Variants in AKAP1 observed in about 807,000 individuals in gnomAD.
AKAP1 encodes the protein A-kinase anchoring protein 1.
Under a neutral mutation model 79.8 loss-of-function variants are expected in AKAP1, and 32 were observed. That is an observed-to-expected ratio of 0.40 (90% CI 0.30 to 0.54). The LOEUF is 0.54. Ranked by LOEUF, AKAP1 falls within the 20% of genes least tolerant of loss-of-function variation. The pLI, the probability that AKAP1 is intolerant of heterozygous loss-of-function variation, is 0.47. For missense variants in AKAP1, 961 were observed against 1,138.9 expected (o/e 0.84, Z 2.25); for synonymous variants, 416 against 466.7 (o/e 0.89, Z 1.40).
intron 3 of AKAP1, among the ~76,000 whole-genome samples, chr17:57,110,551 A>C (rs752798569): frequency 1.8e-4 from 27 of 152,252 alleles, no homozygotes; most frequent in Non-Finnish European, 2.6e-4. Context: ...AATTGAGCAA[A>C]GCATAAATCC....
chr17:57,097,025 CTACTT>C (rs967969294), intron 1 of AKAP1, among the ~76,000 whole-genome samples: 25 of 152,106 alleles, frequency 1.6e-4, no homozygotes, highest in Admixed American at 5.2e-4. Context: ...GTGACCTACT[CTACTT>C]TACCATGTTG....
intron 1 of AKAP1, chr17:57,098,536 G>A (rs1914264971): frequency 1.3e-5 from 2 of 152,194 alleles, no homozygotes; most frequent in African/African-American, 4.8e-5. Context: ...GCCCAGTGCA[G>A]GAAGGAAGAT....
intron 1 of AKAP1, chr17:57,093,994 A>G (rs1913938426): frequency 6.6e-6 from 1 of 152,068 alleles, no homozygotes; most frequent in African/African-American, 2.4e-5. Context: ...AACCTTGTTT[A>G]TGGCTGCAAG....
Position 57,106,106 on chromosome 17 carries a change from G to A in AKAP1, c.642G>A (p.Val214=), listed in dbSNP as rs1472736761. ...GTGDAVLGEK[V]LEEALLSREH... is the part of the protein sequence containing the mutation. ...GTGATGCCGTGTTGGGGGAAAAGGT[G>A]CTTGAAGAAGCTCTGTTGTCTCGGG... is the stretch of plus-strand genomic sequence containing the variant. The change falls in exon 2 of 11, where the codon GTG becomes GTA. Residue 214 remains valine, a synonymous_variant. Transcript: ENST00000337714. The A allele has an allele frequency of 6.2e-7, 1 of 1,605,766 alleles. No individual in the cohort carries two copies. Among genetic ancestry groups the A allele is most frequent in the East Asian group, 2.2e-5 (1 of 44,764 alleles).
chr17:57,099,465 G>C (rs1305907821), intron 1 of AKAP1, among the ~76,000 whole-genome samples: 2 of 152,214 alleles, frequency 1.3e-5, no homozygotes, highest in Non-Finnish European at 2.9e-5. Flanking sequence ...AGGCTGGGGA[G>C]AGATGGGCAC....
At chr17:57,116,635 T>A (rs1342716498) in intron 7 of AKAP1, among the ~76,000 whole-genome samples, 1 of 152,114 alleles carries the variant, frequency 6.6e-6, no homozygotes, top group Non-Finnish European at 1.5e-5. Flanking sequence ...TGAAGCAGGC[T>A]CCTTTTTAGG....
rs1433031321 is a variant in AKAP1 at position 57,086,301 on chromosome 17, G to A, written c.-25+903G>A. The A allele has an allele frequency of 1.0e-5, 4 of 398,566 alleles. No homozygotes were observed. Among genetic ancestry groups the A allele is most frequent in the Non-Finnish European group, 2.0e-5 (4 of 199,882 alleles). 24.7% of individuals were successfully genotyped at this position (398,566 alleles called of 1,614,324 possible). ...GTGCTAGGAGAGGCAGTGGCTGGAT[G>A]CCTCGAACGCGGGCTTTCTGGCGTT... On this transcript the variant is annotated intron_variant, in intron 1 of 10. Coordinates refer to ENST00000337714, the MANE Select transcript of AKAP1 (RefSeq NM_003488.4). The surrounding 1 kb of genome is among the most constrained non-coding windows in gnomAD (Gnocchi z 5.1).
Position 57,105,705 on chromosome 17 carries a change from G to A in AKAP1, c.241G>A (p.Glu81Lys). Residue 81 changes from glutamate to lysine, a missense_variant, in exon 2 of 11, where the codon GAA (glutamate) becomes AAA (lysine). Transcript: ENST00000337714. ...PPSVTEPPEKELSTVSKLPAE... is the reference protein window; with the variant it reads ...PPSVTEPPEKKLSTVSKLPAE... ...CAGTGTCACAGAGCCTCCAGAAAAG[G>A]AACTGTCCACCGTGAGCAAGCTGCC... 6.2e-7 allele frequency: 1 copy of A among 1,614,126 alleles called. No homozygotes were observed. The highest frequency in any genetic ancestry group is 8.5e-7 in the Non-Finnish European group (1 of 1,180,020).
chr17:57,103,860 C>G (rs772018551), intron 1 of AKAP1, among the ~76,000 whole-genome samples: 1 of 152,174 alleles, frequency 6.6e-6, no homozygotes, highest in Non-Finnish European at 1.5e-5. Context: ...AGATGTGTCC[C>G]CATCTTACAG....
At chr17:57,111,977 G>C in intron 4 of AKAP1, 53 bp downstream of exon 4, 1 of 1,584,920 alleles carries the variant, frequency 6.3e-7, no homozygotes, top group South Asian at 1.1e-5. Context: ...TTAAATAGAA[G>C]TGAATAGCAT....
intron 6 of AKAP1, among the ~76,000 whole-genome samples, chr17:57,115,445 T>TCATGACAATGCTGACAAGAGTCAGGACC (rs1915522902): frequency 2.0e-5 from 3 of 152,336 alleles, no homozygotes; most frequent in Middle Eastern, 3.4e-3. Flanking sequence ...CCCAGCACAG[T>TCATGACAATGCTGACAAGAGTCAGGACC]CAGCCTCATG....
At chr17:57,104,933 C>T (rs1430078579) in intron 1 of AKAP1, among the ~76,000 whole-genome samples, 1 of 152,218 alleles carries the variant, frequency 6.6e-6, no homozygotes, top group Non-Finnish European at 1.5e-5. Flanking sequence ...CCTTCATTCT[C>T]ACTGTCTCTA....
Position 57,086,814 on chromosome 17 carries a change from CTT to C in AKAP1, c.-25+1418_-25+1419del, listed in dbSNP as rs1249838287. 3.4e-5 allele frequency among the ~76,000 whole-genome samples: 5 copies of C among 147,214 alleles called. No homozygotes were observed. In the East Asian group the frequency reaches 1.0e-3, roughly 29 times the overall value. On this transcript the variant is annotated intron_variant, in intron 1 of 10. Coordinates refer to ENST00000337714, the MANE Select transcript of AKAP1 (RefSeq NM_003488.4). This position sits in a 1 kb window ranked among gnomAD's most constrained non-coding sequence, Gnocchi z 5.1. Reference sequence around the variant, plus strand: ...ATTAGTACCTTTTTTTTTTTTAACTCTTTATTTAGAAAGCAAAGCTTGGACTC... The same window carrying C: ...ATTAGTACCTTTTTTTTTTTTAACTCTATTTAGAAAGCAAAGCTTGGACTC...
In AKAP1 at chr17:57,117,727, G is replaced by A. The variant is rs74929854; in HGVS notation, c.2501-654G>A. Among the ~76,000 whole-genome samples the A allele has an allele frequency of 6.7e-3, 1,019 of 152,260 alleles. 11 individuals carry two copies. Among genetic ancestry groups the A allele is most frequent in the African/African-American group, 0.023 (976 of 41,542 alleles). ...TCTGTCCATCTAAGCGATCTGTCCAGACCCAGCTGAAACTTTCTCCTTCGT... is the reference window on the plus strand; with the variant it reads ...TCTGTCCATCTAAGCGATCTGTCCAAACCCAGCTGAAACTTTCTCCTTCGT... On this transcript the variant is annotated intron_variant, in intron 8 of 10. Transcript: ENST00000337714.
Position 57,114,517 on chromosome 17 carries a change from G to A in AKAP1, c.2162G>A (p.Gly721Glu). Residue 721 changes from glycine to glutamate, a missense_variant, in exon 6 of 11, where the codon GGG becomes GAG. By Grantham distance (98) the Gly-to-Glu change is moderately conservative (BLOSUM62 -2). Coordinates refer to ENST00000337714, the MANE Select transcript of AKAP1 (RefSeq NM_003488.4). ...EVIVVNQVNA[G>E]HLFVQQHTHP... is the part of the protein sequence containing the mutation. ...ATTGTGGTCAACCAGGTCAATGCCGGGCACCTGTTCGTGCAGCAGCACACA... is the reference window on the plus strand; with the variant it reads ...ATTGTGGTCAACCAGGTCAATGCCGAGCACCTGTTCGTGCAGCAGCACACA... 6.2e-7 allele frequency: 1 copy of A among 1,614,118 alleles called. No individual in the cohort carries two copies. The highest frequency in any genetic ancestry group is 1.1e-5 in the South Asian group (1 of 91,082).
chr17:57,108,898 C>T (rs1915064327), intron 2 of AKAP1, among the ~76,000 whole-genome samples: 1 of 152,206 alleles, frequency 6.6e-6, no homozygotes, highest in South Asian at 2.1e-4. Context: ...AGCTCCCCGC[C>T]CCCTCGCCCA....
chr17:57,093,582 A>C (rs1166810882), intron 1 of AKAP1: 1 of 152,250 alleles, frequency 6.6e-6, no homozygotes, highest in Non-Finnish European at 1.5e-5. Context: ...GTTTGTACAC[A>C]GATGAGTTGA....
intron 5 of AKAP1, 115 bp from the exon 6 acceptor site, chr17:57,114,344 A>G: frequency 7.7e-7 from 1 of 1,291,120 alleles, no homozygotes; most frequent in Non-Finnish European, 1.1e-6. Context: ...TGTTGTCTTG[A>G]GTTGCCCTTT....
At position 57,107,032 on chromosome 17, in the gene AKAP1, C is replaced by G; in HGVS notation, c.1568C>G (p.Thr523Ser). 6.2e-7 allele frequency: 1 copy of G among 1,614,202 alleles called. No individual in the cohort carries two copies. Among genetic ancestry groups the G allele is most frequent in the Non-Finnish European group, 8.5e-7 (1 of 1,180,040 alleles). Reference protein sequence around the residue: ...TSGLEDSCTETSSSPRDKAIT... With the variant: ...TSGLEDSCTESSSSPRDKAIT... ...GGGCTTGAAGACTCTTGCACAGAGA[C>G]CAGCTCGAGCCCCAGGGACAAGGCC... The change falls in exon 2 of 11, where the codon ACC becomes AGC. Residue 523 changes from threonine to serine, a missense_variant. Transcript: ENST00000337714.
Sources: gnomAD v4.1 joint callset for allele counts (sites outside exome capture counted in the v4.1 genomes callset) on GRCh38, gnomAD v4.1.1 for gene constraint, Gnocchi (gnomAD v3.1) non-coding constraint, MANE v1.5 for transcripts, NCBI Gene and HGNC (gene_info 2026-07-23, HGNC 2026-07-21) for gene names.